The following DCLRE1C variants were observed in gnomAD, a reference collection of about 807,000 sequenced individuals.
The protein encoded by DCLRE1C is DNA cross-link repair 1C.
In DCLRE1C, 47 loss-of-function variants were observed where a neutral mutation model predicts 61.4. The observed-to-expected ratio is 0.77, with a 90% confidence interval of 0.61 to 0.98. DCLRE1C has a LOEUF of 0.98. Among genes scored for constraint, DCLRE1C ranks in the 50% least tolerant of loss-of-function variants. The pLI, the probability that DCLRE1C is intolerant of heterozygous loss-of-function variation, is 0.00. For missense variants in DCLRE1C, 858 were observed against 816.0 expected, an observed-to-expected ratio of 1.05 and a Z score of -0.63; for synonymous variants, 337 against 287.6, an observed-to-expected ratio of 1.17 and a Z score of -1.74.
Position 14,939,676 on chromosome 10 carries a change from C to G in DCLRE1C, c.306+134G>C, listed in dbSNP as rs1239933198. The G allele has an allele frequency of 5.4e-6, 4 of 741,598 alleles. No homozygotes were observed. In the Admixed American group the frequency reaches 1.1e-4, roughly 21 times the overall value. 45.9% of individuals were successfully genotyped at this position (741,598 alleles called of 1,614,324 possible). A position where few individuals can be genotyped will look rare whatever the true frequency, so the allele number is the denominator to read the frequency against. On this transcript the variant is annotated intron_variant, in intron 4 of 13. Transcript: ENST00000378278. ...AGATTTTTATTTATGGTTAAATGAG[C>G]ATTCAAAATCAAAGAGAAAGATTGA...
chr10:14,898,955 C>G (rs928545318), exon 14 of DCLRE1C: 9 of 443,792 alleles, frequency 2.0e-5, no homozygotes, highest in Non-Finnish European at 3.2e-5. Context: ...CTGTAGAGAG[C>G]TATAGTTGTA....
Position 14,905,704 on chromosome 10 carries a change from G to T in DCLRE1C, c.*2704C>A, listed in dbSNP as rs7914404. Among the ~76,000 whole-genome samples the T allele has an allele frequency of 1.3e-5, 2 of 152,290 alleles. No homozygotes were observed. Among genetic ancestry groups the T allele is most frequent in the African/African-American group, 4.8e-5 (2 of 41,552 alleles). On this transcript the variant is annotated 3_prime_UTR_variant, in exon 14 of 14. Coordinates refer to ENST00000378278, the MANE Select transcript of DCLRE1C (RefSeq NM_001033855.3). ...TGGCATTTTGAAACTTCATGTTTCG[G>T]CTGGACACGGTAGCTGACGCCTGTA... is the stretch of plus-strand genomic sequence containing the variant.
intron 3 of DCLRE1C, among the ~76,000 whole-genome samples, chr10:14,940,778 A>G (rs991592613): frequency 2.0e-5 from 3 of 152,176 alleles, no homozygotes; most frequent in African/African-American, 7.2e-5. Flanking sequence ...GTATTTTTGC[A>G]TTTCTGGAAT....
chr10:14,899,352 A>G, intron 13 of DCLRE1C: 1 of 699,268 alleles, frequency 1.4e-6, no homozygotes, highest in Non-Finnish European at 2.5e-6. Context: ...TTGCATTATC[A>G]TTTTTCTTCC....
rs1834299884 is a variant in DCLRE1C at position 14,905,309 on chromosome 10, G to A, written c.*3099C>T. Reference sequence around the variant, plus strand: ...TTTGACATTTCGCTAGCATAATGTGGATGAATACTTCAGAAATTTTTGAGC... The same window carrying A: ...TTTGACATTTCGCTAGCATAATGTGAATGAATACTTCAGAAATTTTTGAGC... On this transcript the variant is annotated 3_prime_UTR_variant, in exon 14 of 14. Coordinates refer to ENST00000378278, the MANE Select transcript of DCLRE1C (RefSeq NM_001033855.3). Among the ~76,000 whole-genome samples, 1 of 152,214 alleles carries A rather than the reference G, an allele frequency of 6.6e-6. No individual in the cohort carries two copies. The highest frequency in any genetic ancestry group is 1.5e-5 in the Non-Finnish European group (1 of 68,034).
At chr10:14,947,029 T>C (rs545873346) in intron 2 of DCLRE1C, among the ~76,000 whole-genome samples, 1 of 152,138 alleles carries the variant, frequency 6.6e-6, no homozygotes, top group African/African-American at 2.4e-5. Context: ...CTGACCAACA[T>C]GGTGAAACCC....
At chr10:14,902,385 T>A, downstream of DCLRE1C, 1 of 1,510,264 alleles carries the variant, frequency 6.6e-7, no homozygotes, top group Non-Finnish European at 9.0e-7. Context: ...TTCTCCTATA[T>A]TTCTTTTTCT....
intron 3 of DCLRE1C, among the ~76,000 whole-genome samples, chr10:14,941,524 C>T (rs1465864297): frequency 3.3e-5 from 5 of 152,202 alleles, no homozygotes; most frequent in Non-Finnish European, 7.3e-5. Context: ...TGGACTCACA[C>T]AATTGTCCCA....
intron 1 of DCLRE1C, among the ~76,000 whole-genome samples, chr10:14,953,575 A>G (rs550790055): frequency 2.8e-4 from 42 of 152,102 alleles, no homozygotes; most frequent in African/African-American, 8.9e-4. Flanking sequence ...TTCTTCATAC[A>G]TGGTAGCGAG....
At chr10:14,919,631 G>A (rs1836768176) in intron 13 of DCLRE1C, 107 bp downstream of exon 13, 5 of 834,166 alleles carry the variant, frequency 6.0e-6, no homozygotes, top group Non-Finnish European at 8.4e-6. Context: ...ACCTGTGGTG[G>A]GTCCCAGGTC....
intron 13 of DCLRE1C, chr10:14,911,228 A>G (rs926662612): frequency 6.6e-5 from 10 of 152,260 alleles, no homozygotes; most frequent in African/African-American, 2.4e-4. Context: ...CCCAACAGCC[A>G]GAGTGGAAAA....
chr10:14,907,025 T>C lies in DCLRE1C; in HGVS notation c.*1383A>G, dbSNP rs1461902562. Among the ~76,000 whole-genome samples, 2 of 152,064 alleles carry C rather than the reference T, an allele frequency of 1.3e-5. No homozygotes were observed. Among genetic ancestry groups the C allele is most frequent in the South Asian group, 2.1e-4 (1 of 4,820 alleles). ...CGAGGACTACAGGTGCACACCACCATGTCTGGCTAACATTTTGTGGAGACA... is the reference window on the plus strand; with the variant it reads ...CGAGGACTACAGGTGCACACCACCACGTCTGGCTAACATTTTGTGGAGACA... On this transcript the variant is annotated 3_prime_UTR_variant, in exon 14 of 14. Transcript: ENST00000378278.
intron 3 of DCLRE1C, among the ~76,000 whole-genome samples, chr10:14,943,051 G>A (rs796510827): frequency 2.0e-5 from 3 of 152,222 alleles, no homozygotes; most frequent in Admixed American, 1.3e-4. Flanking sequence ...TGCTTGAACC[G>A]GTTAGATGGA....
downstream of DCLRE1C, chr10:14,902,367 A>T: frequency 7.2e-7 from 1 of 1,384,214 alleles, no homozygotes; most frequent in Non-Finnish European, 1.0e-6. Context: ...AAATTGTCTT[A>T]ACTCTCTTTC....
At chr10:14,901,409 C>T, downstream of DCLRE1C, 3 of 1,016,394 alleles carry the variant, frequency 3.0e-6, no homozygotes, top group East Asian at 7.9e-5. Context: ...AGGTACAAAG[C>T]TAATCCAACA....
At chr10:14,902,272 A>C, downstream of DCLRE1C, 1 of 467,602 alleles carries the variant, frequency 2.1e-6, no homozygotes, top group South Asian at 5.1e-5. Flanking sequence ...CTTGGGAGTT[A>C]ACTTACTCTA....
chr10:14,901,287 T>G (rs762872216), downstream of DCLRE1C: 2 of 1,612,582 alleles, frequency 1.2e-6, no homozygotes, highest in African/African-American at 1.3e-5. Context: ...TACAGTTTCA[T>G]TGGTGTCAGT....
intron 1 of DCLRE1C, among the ~76,000 whole-genome samples, chr10:14,950,175 C>T (rs1467760364): frequency 2.0e-5 from 3 of 151,780 alleles, no homozygotes; most frequent in African/African-American, 4.8e-5. Flanking sequence ...ACCCTGTCTC[C>T]ACTAAAAATA....
chr10:14,897,555 C>G (rs369820729), exon 14 of DCLRE1C: 2 of 1,467,198 alleles, frequency 1.4e-6, no homozygotes, highest in Non-Finnish European at 1.8e-6. Flanking sequence ...GATGGACATG[C>G]AAGGTTTATA....
Sources: gnomAD v4.1 joint callset for allele counts (sites outside exome capture counted in the v4.1 genomes callset) on GRCh38, gnomAD v4.1.1 for gene constraint, MANE v1.5 for transcripts, NCBI Gene and HGNC (gene_info 2026-07-23, HGNC 2026-07-21) for gene names.